Variants in EPHB1 observed in about 807,000 individuals in gnomAD.
The protein encoded by EPHB1 is ephrin type-B receptor 1.
Under a neutral mutation model 94.4 loss-of-function variants are expected in EPHB1, and 30 were observed. The observed-to-expected ratio is 0.32, with a 90% CI of 0.24 to 0.43. The LOEUF (loss-of-function observed/expected upper bound fraction) is 0.43, where lower values mean the gene tolerates loss of function less well. Among genes scored for constraint, EPHB1 ranks in the 20% least tolerant of loss-of-function variants. EPHB1 has a pLI of 1.00. For synonymous variants in EPHB1, 522 were observed against 489.1 expected, an observed-to-expected ratio of 1.07 and a Z score of -0.89; for missense variants, 1,055 against 1,308.3, an observed-to-expected ratio of 0.81 and a Z score of 2.99.
rs116791564 is a variant in EPHB1 at position 135,009,215 on chromosome 3, G to T, written c.805+57163G>T. On this transcript the variant is annotated intron_variant, in intron 3 of 15. Transcript: ENST00000398015. ...TGGCCCATCTCCAGAGTTGGATTCAGTTCCCTCTGACTCACCTGACAGCGG... is the reference window on the plus strand; with the variant it reads ...TGGCCCATCTCCAGAGTTGGATTCATTTCCCTCTGACTCACCTGACAGCGG... Among the ~76,000 whole-genome samples, 842 of 152,280 alleles carry T rather than the reference G, an allele frequency of 5.5e-3. 9 individuals are homozygous for T. Among genetic ancestry groups the T allele is most frequent in the African/African-American group, 0.019 (808 of 41,552 alleles).
intron 4 of EPHB1, 145 bp downstream of exon 4, chr3:135,106,748 C>G: frequency 9.6e-7 from 1 of 1,041,714 alleles, no homozygotes; most frequent in African/African-American, 1.6e-5. Context: ...ACATACAACT[C>G]CTATGCTCGG....
chr3:134,882,749 CCTTTCTTCCTTCCTTCCT>C lies in EPHB1; in HGVS notation c.59-43066_59-43049del, dbSNP rs2037763678. Among the ~76,000 whole-genome samples the C allele has an allele frequency of 9.7e-4, 37 of 38,134 alleles. 1 individual carries two copies. Among genetic ancestry groups the C allele is most frequent in the South Asian group, 2.8e-3 (2 of 716 alleles). The allele number at this position is 38,134 out of a possible 152,430, so 25.0% of individuals were successfully genotyped here. A position where few individuals can be genotyped will look rare whatever the true frequency, so the allele number is the denominator to read the frequency against. On this transcript the variant is annotated intron_variant, in intron 1 of 15. Transcript: ENST00000398015. ...TTCTTTCCTTCTTTCCTTCTTTCTT[CCTTTCTTCCTTCCTTCCT>C]TTCTTTCTTTCTTTCTTTCTTTCTT...
chr3:135,221,140 T>G (rs1326372331), intron 12 of EPHB1, among the ~76,000 whole-genome samples: 1 of 152,236 alleles, frequency 6.6e-6, no homozygotes, highest in South Asian at 2.1e-4. Flanking sequence ...AGCTGGATAT[T>G]CTACCCTGAG....
chr3:135,139,894 T>C (rs1437379260), intron 5 of EPHB1, among the ~76,000 whole-genome samples: 2 of 152,226 alleles, frequency 1.3e-5, no homozygotes, highest in East Asian at 3.8e-4. Context: ...TATCACACGC[T>C]GGGACACACA....
chr3:134,824,388 G>A (rs2036438522), intron 1 of EPHB1, among the ~76,000 whole-genome samples: 1 of 152,120 alleles, frequency 6.6e-6, no homozygotes, highest in South Asian at 2.1e-4. Context: ...GAAGGGCCTA[G>A]GTCTGGGTTC....
At chr3:135,099,522 G>T (rs1938953907) in intron 3 of EPHB1, among the ~76,000 whole-genome samples, 1 of 152,366 alleles carries the variant, frequency 6.6e-6, no homozygotes, top group African/African-American at 2.4e-5. Context: ...GGAAAGCAAA[G>T]ACTGCTTTTG....
At chr3:134,823,515 AG>A (rs1311749407) in intron 1 of EPHB1, among the ~76,000 whole-genome samples, 1 of 152,214 alleles carries the variant, frequency 6.6e-6, no homozygotes, top group Non-Finnish European at 1.5e-5. Context: ...GCTCCGTAAC[AG>A]GAAACTCTCA....
intron 1 of EPHB1, among the ~76,000 whole-genome samples, chr3:134,819,066 G>A (rs1171553070): frequency 6.6e-6 from 1 of 152,168 alleles, no homozygotes; most frequent in Non-Finnish European, 1.5e-5. Flanking sequence ...TGAGTGAAGG[G>A]GGCCGTTTAG....
At chr3:135,138,473 C>A (rs1179542110) in intron 5 of EPHB1, among the ~76,000 whole-genome samples, 1 of 152,034 alleles carries the variant, frequency 6.6e-6, no homozygotes, top group Non-Finnish European at 1.5e-5. Flanking sequence ...TATGATATTG[C>A]AATATATTGA....
intron 2 of EPHB1, among the ~76,000 whole-genome samples, chr3:134,946,749 G>A (rs1372468891): frequency 6.6e-6 from 1 of 151,540 alleles, no homozygotes; most frequent in Non-Finnish European, 1.5e-5. Flanking sequence ...AAAGAACCTG[G>A]CATCTCTCTT....
chr3:135,004,428 T>A (rs1935309319), intron 3 of EPHB1, among the ~76,000 whole-genome samples: 1 of 152,164 alleles, frequency 6.6e-6, no homozygotes, highest in Non-Finnish European at 1.5e-5. Flanking sequence ...AATCTGACAC[T>A]TATGTGTCTT....
chr3:134,945,232 G>C (rs1337723174), intron 2 of EPHB1, among the ~76,000 whole-genome samples: 1 of 151,784 alleles, frequency 6.6e-6, no homozygotes, highest in African/African-American at 2.4e-5. Flanking sequence ...GGCTATTTCT[G>C]TCATGCCAAT....
Position 135,027,833 on chromosome 3 carries a change from G to A in EPHB1, c.805+75781G>A, listed in dbSNP as rs570676618. On this transcript the variant is annotated intron_variant, in intron 3 of 15. Coordinates refer to ENST00000398015, the MANE Select transcript of EPHB1 (RefSeq NM_004441.5). ...CCTCCTTGTACCTCTGGTAGAATTC[G>A]GCTGTGAATCCATCTGGTCCTGGAC... Among the ~76,000 whole-genome samples the A allele has an allele frequency of 6.4e-3, 844 of 132,298 alleles. 23 individuals carry two copies. The highest frequency in any genetic ancestry group is 0.02 in the African/African-American group (816 of 40,068). The allele number at this position is 132,298 out of a possible 152,430, so 86.8% of individuals were successfully genotyped here. A position where few individuals can be genotyped will look rare whatever the true frequency, so the allele number is the denominator to read the frequency against.
chr3:134,943,947 A>C (rs1292841880), intron 2 of EPHB1, among the ~76,000 whole-genome samples: 5 of 152,228 alleles, frequency 3.3e-5, no homozygotes, highest in African/African-American at 9.6e-5. Flanking sequence ...TTAAAGCTAT[A>C]TTAAGGTATT....
At chr3:134,804,071 A>ATTTTTTTTTTTTTTTTTTT (rs572201781) in intron 1 of EPHB1, among the ~76,000 whole-genome samples, 1 of 43,750 alleles carries the variant, frequency 2.3e-5, no homozygotes, top group African/African-American at 9.5e-5. Context: ...ATTATTGGCT[A>ATTTTTTTTTTTTTTTTTTT]TTTTTTTTTT....
intron 1 of EPHB1, among the ~76,000 whole-genome samples, chr3:134,804,387 C>T (rs923952344): frequency 6.6e-6 from 1 of 151,960 alleles, no homozygotes; most frequent in African/African-American, 2.4e-5. Context: ...ATTCCCTTGG[C>T]GTTGGTCCCT....
intron 15 of EPHB1, among the ~76,000 whole-genome samples, chr3:135,250,144 G>C (rs1207288300): frequency 6.6e-6 from 1 of 152,136 alleles, no homozygotes; most frequent in Non-Finnish European, 1.5e-5. Flanking sequence ...ATAAATTTGG[G>C]AAATATTGTG....
Position 135,260,448 on chromosome 3 carries a change from A to G in EPHB1, c.*1328A>G, listed in dbSNP as rs1440716602. ...CTGTCTAATTAAAAAGAGCAGAAGC[A>G]TGTCTGGGTTTACGTAAAATGGTGT... On this transcript the variant is annotated 3_prime_UTR_variant, in exon 16 of 16. Transcript: ENST00000398015. 2 of 221,792 alleles carry G rather than the reference A, an allele frequency of 9.0e-6. No homozygotes were observed. Among genetic ancestry groups the G allele is most frequent in the Non-Finnish European group, 9.0e-6 (1 of 110,666 alleles). 13.7% of individuals were successfully genotyped at this position (221,792 alleles called of 1,614,324 possible).
At chr3:134,797,223 CT>C (rs1248272033) in intron 1 of EPHB1, among the ~76,000 whole-genome samples, 1 of 152,118 alleles carries the variant, frequency 6.6e-6, no homozygotes, top group Non-Finnish European at 1.5e-5. Flanking sequence ...GAGGGGTTTG[CT>C]TTTTGGAACG....
Sources: allele counts gnomAD v4.1 joint callset (sites outside exome capture counted in the v4.1 genomes callset), GRCh38; gene constraint gnomAD v4.1.1; transcripts MANE v1.5; gene names NCBI Gene and HGNC (gene_info 2026-07-23, HGNC 2026-07-21).